ADIPOR2: variants seen among roughly 807,000 people sequenced by gnomAD.
ADIPOR2 encodes adiponectin receptor protein 2.
In ADIPOR2, 18 loss-of-function variants were observed where a neutral mutation model predicts 40.9. The observed-to-expected ratio is 0.44, with a 90% CI of 0.30 to 0.65. The LOEUF (loss-of-function observed/expected upper bound fraction) is 0.65. ADIPOR2 is among the 30% of genes least tolerant of loss of function. ADIPOR2 has a pLI of 0.09. For synonymous variants in ADIPOR2, 165 were observed against 166.4 expected (o/e 0.99, Z 0.06); for missense variants, 283 against 479.2 (o/e 0.59, Z 3.82).
intron 4 of ADIPOR2, 135 bp downstream of exon 4, chr12:1,778,160 A>T: frequency 9.7e-7 from 1 of 1,027,958 alleles, no homozygotes; most frequent in East Asian, 3.0e-5. Flanking sequence ...CTAATGATGA[A>T]TTTTCTGACT....
chr12:1,740,709 GT>G (rs2094740940), intron 1 of ADIPOR2, among the ~76,000 whole-genome samples: 1 of 152,160 alleles, frequency 6.6e-6, no homozygotes, highest in Non-Finnish European at 1.5e-5. Context: ...GACAGATCCT[GT>G]TTTACGTATG....
At chr12:1,757,459 G>T in intron 2 of ADIPOR2, 1 of 726,114 alleles carries the variant, frequency 1.4e-6, no homozygotes, top group Non-Finnish European at 2.6e-6. Context: ...GTTCTTCCCA[G>T]GTTAGCACCT....
At chr12:1,713,911 T>G (rs982240426) in intron 1 of ADIPOR2, among the ~76,000 whole-genome samples, 4 of 152,028 alleles carry the variant, frequency 2.6e-5, no homozygotes, top group African/African-American at 9.7e-5. Flanking sequence ...GCTGTACCGG[T>G]GTCCAGGAGG....
At chr12:1,711,241 C>T (rs775325200) in intron 1 of ADIPOR2, among the ~76,000 whole-genome samples, 1 of 152,120 alleles carries the variant, frequency 6.6e-6, no homozygotes, top group Non-Finnish European at 1.5e-5. Flanking sequence ...TGCAAGCTGT[C>T]TGAGAAATCC....
chr12:1,754,273 C>T lies in ADIPOR2; in HGVS notation c.-71C>T. On this transcript the variant is annotated 5_prime_UTR_variant, in exon 2 of 8. Coordinates refer to ENST00000357103, the MANE Select transcript of ADIPOR2 (RefSeq NM_024551.3). ...ATCTTCTTAGGATCAACTCACTATC[C>T]TGAAGGTCCATTCTCCCAAGAAGAG... 2 of 1,412,086 alleles carry T rather than the reference C, an allele frequency of 1.4e-6. No homozygotes were observed. Among genetic ancestry groups the T allele is most frequent in the African/African-American group, 1.5e-5 (1 of 68,780 alleles). 87.5% of individuals were successfully genotyped at this position (1,412,086 alleles called of 1,614,324 possible).
chr12:1,743,132 C>T lies in ADIPOR2; in HGVS notation c.-86-11126C>T, dbSNP rs550892493. The stretch of plus-strand genomic sequence containing the variant: ...GAGGGCCGGATGTGGTTGCTCATGC[C>T]TGTAGTCCCAGCATTTTGAGAGGCC... On this transcript the variant is annotated intron_variant, in intron 1 of 7. Transcript: ENST00000357103. 8.0e-5 allele frequency among the ~76,000 whole-genome samples: 12 copies of T among 150,522 alleles called. 1 individual carries two copies. In the South Asian group the frequency reaches 2.1e-3, roughly 26 times the overall value.
intron 2 of ADIPOR2, 64 bp downstream of exon 2, chr12:1,754,578 T>C: frequency 6.8e-7 from 1 of 1,469,418 alleles, no homozygotes; most frequent in Middle Eastern, 2.0e-4. Context: ...AGAGGGAGGA[T>C]ATGGGGAAAA....
chr12:1,737,415 TG>T (rs1321692461), intron 1 of ADIPOR2, among the ~76,000 whole-genome samples: 2 of 152,234 alleles, frequency 1.3e-5, no homozygotes, highest in East Asian at 3.9e-4. Flanking sequence ...TTCTGCTGAG[TG>T]TGTTTCAAAT....
At chr12:1,705,872 A>G (rs1017624559) in intron 1 of ADIPOR2, among the ~76,000 whole-genome samples, 2 of 152,186 alleles carry the variant, frequency 1.3e-5, no homozygotes, top group African/African-American at 4.8e-5. Context: ...GAAGTCAGAT[A>G]GATAAAGATT....
chr12:1,715,910 G>A (rs1481292720), intron 1 of ADIPOR2, among the ~76,000 whole-genome samples: 1 of 152,162 alleles, frequency 6.6e-6, no homozygotes, highest in African/African-American at 2.4e-5. Context: ...AGCAGGACAT[G>A]GAGGGGGACA....
At chr12:1,715,463 T>G (rs1470569264) in intron 1 of ADIPOR2, among the ~76,000 whole-genome samples, 1 of 152,042 alleles carries the variant, frequency 6.6e-6, no homozygotes, top group Admixed American at 6.5e-5. Flanking sequence ...GTGTTCCCCA[T>G]CTGAAAGAAA....
chr12:1,746,671 T>G lies in ADIPOR2; in HGVS notation c.-86-7587T>G, dbSNP rs1208982986. On this transcript the variant is annotated intron_variant, in intron 1 of 7. Transcript: ENST00000357103. ...CAACAGACAGATCTAAAATAATAAC[T>G]GGAGACTTTAATATGCCACTTTCAA... Among the ~76,000 whole-genome samples the G allele has an allele frequency of 2.0e-5, 3 of 152,082 alleles. No individual in the cohort carries two copies. In the East Asian group the frequency reaches 5.8e-4, roughly 29 times the overall value.
At chr12:1,766,332 T>A (rs1862379785) in intron 2 of ADIPOR2, among the ~76,000 whole-genome samples, 2 of 152,212 alleles carry the variant, frequency 1.3e-5, no homozygotes, top group South Asian at 4.1e-4. Flanking sequence ...TGTCTGAACC[T>A]GAAAAATTTC....
At chr12:1,694,619 A>C (rs1000144230) in intron 1 of ADIPOR2, among the ~76,000 whole-genome samples, 4 of 152,258 alleles carry the variant, frequency 2.6e-5, no homozygotes, top group Non-Finnish European at 5.9e-5. Flanking sequence ...ATCCACAGAC[A>C]TAAGAGCCCA....
chr12:1,694,452 ATAT>A (rs1179869553), intron 1 of ADIPOR2, among the ~76,000 whole-genome samples: 1 of 152,224 alleles, frequency 6.6e-6, no homozygotes, highest in Non-Finnish European at 1.5e-5. Flanking sequence ...CAAATACTTT[ATAT>A]CATTTCTAGA....
chr12:1,725,930 A>T (rs1478603786), intron 1 of ADIPOR2, among the ~76,000 whole-genome samples: 2 of 152,196 alleles, frequency 1.3e-5, no homozygotes. Flanking sequence ...TTGAATGTCT[A>T]CTGTGTATCA....
intron 1 of ADIPOR2, among the ~76,000 whole-genome samples, chr12:1,725,713 T>C (rs962608755): frequency 6.6e-6 from 1 of 152,116 alleles, no homozygotes; most frequent in African/African-American, 2.4e-5. Context: ...ATGAACAAAA[T>C]ACATTATATT....
At chr12:1,767,288 A>C (rs1862402860) in intron 2 of ADIPOR2, among the ~76,000 whole-genome samples, 1 of 151,692 alleles carries the variant, frequency 6.6e-6, no homozygotes, top group African/African-American at 2.4e-5. Context: ...AAAAAAAAAA[A>C]AAAAAAGATA....
intron 1 of ADIPOR2, among the ~76,000 whole-genome samples, chr12:1,740,102 CA>C (rs879456929): frequency 2.8e-4 from 39 of 139,448 alleles, no homozygotes; most frequent in Non-Finnish European, 3.0e-4. Flanking sequence ...GGCTCCATCT[CA>C]AAAAAAAAAA....
Sources: allele counts gnomAD v4.1 joint callset (sites outside exome capture counted in the v4.1 genomes callset), GRCh38; gene constraint gnomAD v4.1.1; transcripts MANE v1.5; gene names NCBI Gene and HGNC (gene_info 2026-07-23, HGNC 2026-07-21).